The following RNF150 variants were observed in gnomAD, a reference collection of about 807,000 sequenced individuals.
The protein encoded by RNF150 is ring finger protein 150.
RNF150 carries 24 observed loss-of-function variants against 39.3 expected under a neutral mutation model. The ratio of observed to expected loss-of-function variants is 0.61; its 90% CI spans 0.44 to 0.86. The LOEUF is 0.86. Among genes scored for constraint, RNF150 ranks in the 40% least tolerant of loss-of-function variants. RNF150 has a pLI of 0.00. For missense variants in RNF150, 502 were observed against 587.8 expected (o/e 0.85, Z 1.51); for synonymous variants, 255 against 227.3 (o/e 1.12, Z -1.10).
At chr4:141,202,154 A>C (rs1728301432) in intron 1 of RNF150, among the ~76,000 whole-genome samples, 1 of 152,164 alleles carries the variant, frequency 6.6e-6, no homozygotes, top group Admixed American at 6.6e-5. Context: ...ATAACAGCAC[A>C]AATGGAGGAT....
At chr4:141,171,990 C>A (rs983456706) in intron 1 of RNF150, among the ~76,000 whole-genome samples, 6 of 152,012 alleles carry the variant, frequency 3.9e-5, no homozygotes, top group Non-Finnish European at 8.8e-5. Context: ...TTTATAATAC[C>A]GCATATCATA....
intron 1 of RNF150, among the ~76,000 whole-genome samples, chr4:141,008,913 AACATTAGATTATCAATTTTT>A (rs1734966152): frequency 6.6e-6 from 1 of 152,162 alleles, no homozygotes; most frequent in Non-Finnish European, 1.5e-5. Flanking sequence ...ACATAAATTT[AACATTAGATTATCAATTTTT>A]ACATATATTT....
intron 1 of RNF150, among the ~76,000 whole-genome samples, chr4:141,160,628 A>G (rs183237320): frequency 9.1e-4 from 139 of 152,314 alleles, no homozygotes; most frequent in African/African-American, 3.2e-3. Flanking sequence ...TGATTGGATC[A>G]TGGGCGTGAC....
chr4:141,168,820 G>T, intron 1 of RNF150, among the ~76,000 whole-genome samples: 1 of 152,140 alleles, frequency 6.6e-6, no homozygotes, highest in East Asian at 1.9e-4. Context: ...GGGAGGGATA[G>T]CATTAGGAGA....
chr4:141,132,574 CT>C lies in RNF150; in HGVS notation c.234del (p.Glu79SerfsTer40). Reference sequence around the variant, plus strand: ...CGGGCGTCCTGCTTGGGCGAGTGCTCTCCGTAGCGCCCGCACTCCGTCTTCT... The same window carrying C: ...CGGGCGTCCTGCTTGGGCGAGTGCTCCCGTAGCGCCCGCACTCCGTCTTCT... ...HTEKTECGRY[G>X]EHSPKQDARG... On this transcript the variant is annotated frameshift_variant, in exon 1 of 7. Transcript: ENST00000515673. LOFTEE classifies it high-confidence loss of function. The surrounding 1 kb of genome is among the most constrained non-coding windows in gnomAD (Gnocchi z 4.9). The C allele has an allele frequency of 6.3e-7, 1 of 1,581,036 alleles. No homozygotes were observed. Among genetic ancestry groups the C allele is most frequent in the Non-Finnish European group, 8.6e-7 (1 of 1,164,482 alleles).
intron 1 of RNF150, among the ~76,000 whole-genome samples, chr4:141,168,602 T>C (rs1270027820): frequency 6.6e-6 from 1 of 152,190 alleles, no homozygotes; most frequent in Admixed American, 6.5e-5. Context: ...CACCATGGGA[T>C]ACTATGTAGG....
At chr4:141,097,155 TGGGATTTTTTTTTTACTTCTGCCCAAACA>T (rs1265662529) in intron 1 of RNF150, among the ~76,000 whole-genome samples, 1 of 152,188 alleles carries the variant, frequency 6.6e-6, no homozygotes, top group African/African-American at 2.4e-5. Flanking sequence ...CTGTGTTGTT[TGGGATTTTTTTTTTACTTCTGCCCAAACA>T]GAATGTGAGT....
chr4:140,921,131 GTAAC>G (rs1350334651), intron 5 of RNF150, among the ~76,000 whole-genome samples: 1 of 150,050 alleles, frequency 6.7e-6, no homozygotes, highest in East Asian at 2.0e-4. Flanking sequence ...GCATACATAT[GTAAC>G]TAACCCGCAC....
In RNF150 at chr4:141,027,912, G is replaced by GTTTTTTGTTTTTTTTTT. The variant is rs1560696593; in HGVS notation, c.485-60040_485-60039insAAAAAAAAAACAAAAAA. On this transcript the variant is annotated intron_variant, in intron 1 of 6. Coordinates refer to ENST00000515673, the MANE Select transcript of RNF150 (RefSeq NM_020724.2). ...TAGATAGTTAATGAGCTTGGAATTT[G>GTTTTTTGTTTTTTTTTT]TTTTTTTTTTTTTGTTTTTTTTTTT... Among the ~76,000 whole-genome samples, 4 of 27,102 alleles carry GTTTTTTGTTTTTTTTTT rather than the reference G, an allele frequency of 1.5e-4. 1 individual carries two copies. The highest frequency in any genetic ancestry group is 2.2e-4 in the African/African-American group (2 of 9,260). 17.8% of individuals were successfully genotyped at this position (27,102 alleles called of 152,430 possible). A position where few individuals can be genotyped will look rare whatever the true frequency, so the allele number is the denominator to read the frequency against.
At chr4:141,035,839 T>C (rs888436801) in intron 1 of RNF150, among the ~76,000 whole-genome samples, 4 of 152,178 alleles carry the variant, frequency 2.6e-5, no homozygotes, top group African/African-American at 9.7e-5. Context: ...TATTGGTTAC[T>C]ATGTAAAACA....
At chr4:140,887,479 C>T (rs1729619667) in intron 6 of RNF150, among the ~76,000 whole-genome samples, 2 of 152,228 alleles carry the variant, frequency 1.3e-5, no homozygotes, top group Admixed American at 1.3e-4. Flanking sequence ...CATTAATGTG[C>T]TGGTGACAAA....
At chr4:141,141,194 T>C (rs1219502201) in intron 1 of RNF150, among the ~76,000 whole-genome samples, 2 of 152,114 alleles carry the variant, frequency 1.3e-5, no homozygotes, top group Non-Finnish European at 2.9e-5. Flanking sequence ...GGTTTTCATG[T>C]TTGTTATCTA....
chr4:141,124,158 G>A (rs150112289), intron 1 of RNF150, among the ~76,000 whole-genome samples: 1 of 152,324 alleles, frequency 6.6e-6, no homozygotes, highest in Non-Finnish European at 1.5e-5. Context: ...CTTATGCAGA[G>A]TACTTTCTAT....
intron 1 of RNF150, among the ~76,000 whole-genome samples, chr4:141,100,505 C>T (rs1738968528): frequency 6.6e-6 from 1 of 152,202 alleles, no homozygotes; most frequent in Non-Finnish European, 1.5e-5. Flanking sequence ...TTCACACTTT[C>T]ATTCTGTAGA....
intron 1 of RNF150, among the ~76,000 whole-genome samples, chr4:141,184,269 C>A (rs1727963221): frequency 6.6e-6 from 1 of 152,282 alleles, no homozygotes; most frequent in African/African-American, 2.4e-5. Context: ...TAATGATGAG[C>A]CTTTTTCCAT....
Position 140,896,708 on chromosome 4 carries a change from AC to A in RNF150, c.1198+14435del, listed in dbSNP as rs1560953160. 7.1e-3 allele frequency among the ~76,000 whole-genome samples: 636 copies of A among 89,680 alleles called. 10 individuals carry two copies. Among genetic ancestry groups the A allele is most frequent in the African/African-American group, 0.018 (443 of 25,246 alleles). 58.8% of individuals were successfully genotyped at this position (89,680 alleles called of 152,430 possible). A position where few individuals can be genotyped will look rare whatever the true frequency, so the allele number is the denominator to read the frequency against. ...ATAATAAAAAAAAAAAAACAAAAAAACAAACAAACAAACAAAAAAAAATAAT... is the reference window on the plus strand; with the variant it reads ...ATAATAAAAAAAAAAAAACAAAAAAAAAACAAACAAACAAAAAAAAATAAT... On this transcript the variant is annotated intron_variant, in intron 6 of 6. Transcript: ENST00000515673.
At chr4:141,086,027 T>TACACACACACAC (rs10527153) in intron 1 of RNF150, among the ~76,000 whole-genome samples, 18 of 140,010 alleles carry the variant, frequency 1.3e-4, no homozygotes, top group Non-Finnish European at 2.8e-4. Flanking sequence ...TGAGAAGAGT[T>TACACACACACAC]ACACACACAC....
At chr4:141,102,998 G>A (rs953007653) in intron 1 of RNF150, among the ~76,000 whole-genome samples, 1 of 152,056 alleles carries the variant, frequency 6.6e-6, no homozygotes, top group Admixed American at 6.6e-5. Flanking sequence ...CATCTGTCAG[G>A]TGCTTTCAAA....
At chr4:141,127,340 C>T (rs1180645910) in intron 1 of RNF150, among the ~76,000 whole-genome samples, 1 of 152,000 alleles carries the variant, frequency 6.6e-6, no homozygotes, top group African/African-American at 2.4e-5. Context: ...TATTACCCAG[C>T]ATGCTAAAAA....
Sources: gnomAD v4.1 joint callset for allele counts (sites outside exome capture counted in the v4.1 genomes callset) on GRCh38, gnomAD v4.1.1 for gene constraint, Gnocchi (gnomAD v3.1) non-coding constraint, MANE v1.5 for transcripts, NCBI Gene and HGNC (gene_info 2026-07-23, HGNC 2026-07-21) for gene names.